Variants in RYR3 observed in about 807,000 individuals in gnomAD.
The protein encoded by RYR3 is brain ryanodine receptor-calcium release channel.
Under a neutral mutation model 584.3 loss-of-function variants are expected in RYR3, and 207 were observed. That is an observed-to-expected ratio of 0.35 (90% confidence interval 0.32 to 0.40). RYR3 has a LOEUF of 0.40. Ranked by LOEUF, RYR3 falls within the 10% of genes least tolerant of loss-of-function variation. The pLI is 1.00. For missense variants in RYR3, 5,616 were observed against 6,089.2 expected, an observed-to-expected ratio of 0.92 and a Z score of 2.59; for synonymous variants, 2,416 against 2,248.5, an observed-to-expected ratio of 1.07 and a Z score of -2.11.
chr15:33,354,556 CTTG>C (rs767215196), intron 1 of RYR3, among the ~76,000 whole-genome samples: 3 of 152,212 alleles, frequency 2.0e-5, no homozygotes, highest in African/African-American at 4.8e-5. Flanking sequence ...CAGCTCTTGA[CTTG>C]TTATTATTCA....
At chr15:33,821,221 T>G (rs369688776) in intron 78 of RYR3, 49 bp from the exon 79 acceptor site, 24 of 1,470,214 alleles carry the variant, frequency 1.6e-5, no homozygotes, top group South Asian at 4.9e-5. Flanking sequence ...GTGAACTCCC[T>G]GGTGCTGGGT....
At chr15:33,376,171 C>G (rs2040725903) in intron 1 of RYR3, among the ~76,000 whole-genome samples, 1 of 152,216 alleles carries the variant, frequency 6.6e-6, no homozygotes, top group Non-Finnish European at 1.5e-5. Context: ...TAATTTCTAG[C>G]ACCATGGTTT....
intron 65 of RYR3, among the ~76,000 whole-genome samples, chr15:33,783,148 C>T (rs940030935): frequency 3.3e-5 from 5 of 152,122 alleles, no homozygotes; most frequent in Non-Finnish European, 5.9e-5. Flanking sequence ...CAGAATCACC[C>T]GGGAGGCTTG....
chr15:33,853,020 C>T (rs747152756), intron 94 of RYR3, 25 bp from the exon 95 acceptor site: 11 of 1,594,500 alleles, frequency 6.9e-6, no homozygotes, highest in Non-Finnish European at 9.4e-6. Flanking sequence ...AATGAAGAAC[C>T]AACCTTTTTC....
intron 1 of RYR3, among the ~76,000 whole-genome samples, chr15:33,344,373 A>G (rs139726884): frequency 2.0e-4 from 31 of 152,354 alleles, no homozygotes; most frequent in African/African-American, 7.5e-4. Context: ...TTGACAATGT[A>G]AAACTAAATT....
intron 16 of RYR3, among the ~76,000 whole-genome samples, chr15:33,596,945 T>C (rs944485727): frequency 2.6e-5 from 4 of 151,994 alleles, no homozygotes; most frequent in African/African-American, 9.7e-5. Context: ...GAGAGGAACA[T>C]AGTTTGTAGT....
intron 16 of RYR3, among the ~76,000 whole-genome samples, chr15:33,590,086 G>C (rs919043552): frequency 6.6e-6 from 1 of 152,196 alleles, no homozygotes; most frequent in Admixed American, 6.5e-5. Context: ...TCTCTTGTGG[G>C]CAGGGGCGGG....
In RYR3 at chr15:33,756,332, G is replaced by A. The variant is rs190035689; in HGVS notation, c.8542G>A (p.Glu2848Lys). 446 of 1,581,714 alleles carry A rather than the reference G, an allele frequency of 2.8e-4. 1 individual carries two copies. In the African/African-American group the frequency reaches 4.2e-3, roughly 15 times the overall value. ...LEAIVSSGKT[E>K]KSPRDQEIKF... is the part of the protein sequence containing the mutation. ...AGCCATTGTCAGCAGTGGGAAAACT[G>A]AAAAGTCTCCCCGTGACCAGGAGAT... is the stretch of plus-strand genomic sequence containing the variant. Residue 2848 changes from glutamate (E) to lysine (K), a missense_variant, in exon 59 of 104, where the codon GAA becomes AAA. Transcript: ENST00000634891.
chr15:33,411,321 G>A (rs766961032), intron 1 of RYR3, among the ~76,000 whole-genome samples: 2 of 152,150 alleles, frequency 1.3e-5, no homozygotes, highest in African/African-American at 2.4e-5. Flanking sequence ...CATCACTGAC[G>A]TCTTTAGGGC....
chr15:33,561,181 A>G (rs2057379630), intron 10 of RYR3, among the ~76,000 whole-genome samples: 1 of 152,268 alleles, frequency 6.6e-6, no homozygotes, highest in Admixed American at 6.5e-5. Context: ...TCCAAAGTTA[A>G]TTGAAATTTG....
intron 1 of RYR3, among the ~76,000 whole-genome samples, chr15:33,314,389 A>G (rs954678546): frequency 1.3e-5 from 2 of 152,192 alleles, no homozygotes; most frequent in African/African-American, 4.8e-5. Flanking sequence ...GCAAGAAGTT[A>G]TGGTGAGAAG....
intron 1 of RYR3, among the ~76,000 whole-genome samples, chr15:33,318,167 G>C (rs191194484): frequency 6.6e-6 from 1 of 152,230 alleles, no homozygotes; most frequent in Admixed American, 6.5e-5. Context: ...GCTGCTGCCT[G>C]TGCAGAATTG....
intron 12 of RYR3, among the ~76,000 whole-genome samples, chr15:33,572,728 A>C (rs2058097977): frequency 6.7e-6 from 1 of 150,234 alleles, no homozygotes; most frequent in South Asian, 2.1e-4. Flanking sequence ...TAATCCCAGC[A>C]CTTTGGGAGG....
At chr15:33,483,322 T>C (rs2142372167) in intron 2 of RYR3, among the ~76,000 whole-genome samples, 1 of 152,314 alleles carries the variant, frequency 6.6e-6, no homozygotes, top group Middle Eastern at 3.4e-3. Flanking sequence ...CTGACTTTGC[T>C]CTTGGTTATA....
At position 33,336,548 on chromosome 15, in the gene RYR3, G is replaced by GAA. The variant is rs1567047809; in HGVS notation, c.51+25452_51+25453insAA. On this transcript the variant is annotated intron_variant, in intron 1 of 103. Coordinates refer to ENST00000634891, the MANE Select transcript of RYR3 (RefSeq NM_001036.6). ...AGGGAAGGAGGGAAGGAGGGAAGGA[G>GAA]GGAAGGAAGGAAGAAAAAAGCACCA... Among the ~76,000 whole-genome samples the GAA allele has an allele frequency of 3.2e-4, 17 of 53,760 alleles. 6 individuals carry two copies. Among genetic ancestry groups the GAA allele is most frequent in the African/African-American group, 1.5e-3 (9 of 6,076 alleles). 35.3% of individuals were successfully genotyped at this position (53,760 alleles called of 152,430 possible). A position where few individuals can be genotyped will look rare whatever the true frequency, so the allele number is the denominator to read the frequency against.
intron 89 of RYR3, 180 bp from the exon 90 acceptor site, chr15:33,840,645 C>T: frequency 1.6e-6 from 1 of 607,688 alleles, no homozygotes; most frequent in Non-Finnish European, 2.9e-6. Flanking sequence ...TTTGTCTTGG[C>T]ATCTCTTCAG....
At chr15:33,608,420 T>C (rs189462307) in intron 18 of RYR3, among the ~76,000 whole-genome samples, 29 of 152,356 alleles carry the variant, frequency 1.9e-4, no homozygotes, top group African/African-American at 6.3e-4. Context: ...TTTCTCTGCA[T>C]GTGAGGAGAT....
chr15:33,421,636 C>T (rs982066860), intron 1 of RYR3, among the ~76,000 whole-genome samples: 4 of 152,130 alleles, frequency 2.6e-5, no homozygotes, highest in East Asian at 1.9e-4. Flanking sequence ...ACTCTTAGAC[C>T]TCTAAGAGTA....
At chr15:33,793,797 T>C (rs762086291) in intron 67 of RYR3, among the ~76,000 whole-genome samples, 35 of 151,518 alleles carry the variant, frequency 2.3e-4, no homozygotes, top group Non-Finnish European at 4.9e-4. Flanking sequence ...GGCCTAGATA[T>C]ACTCATTTTA....
Sources: gnomAD v4.1 joint callset for allele counts (sites outside exome capture counted in the v4.1 genomes callset) on GRCh38, gnomAD v4.1.1 for gene constraint, MANE v1.5 for transcripts, NCBI Gene and HGNC (gene_info 2026-07-23, HGNC 2026-07-21) for gene names.